CYRIA: variants seen among roughly 807,000 people sequenced by gnomAD.
CYRIA encodes the protein CYFIP related Rac1 interactor A, also known as CYFIP-related Rac1 interactor A.
CYRIA carries 15 observed loss-of-function variants against 43.9 expected under a neutral mutation model. The ratio of observed to expected loss-of-function variants is 0.34; its 90% CI spans 0.23 to 0.53. CYRIA has a LOEUF of 0.53. Among genes scored for constraint, CYRIA ranks in the 20% least tolerant of loss-of-function variants. The pLI, the probability that CYRIA is intolerant of heterozygous loss-of-function variation, is 0.94. For missense variants in CYRIA, 236 were observed against 394.2 expected, an observed-to-expected ratio of 0.60 and a Z score of 3.40; for synonymous variants, 117 against 136.0, an observed-to-expected ratio of 0.86 and a Z score of 0.97.
At chr2:16,627,977 C>T (rs541014243) in intron 1 of CYRIA, among the ~76,000 whole-genome samples, 1 of 152,324 alleles carries the variant, frequency 6.6e-6, no homozygotes, top group South Asian at 2.1e-4. Flanking sequence ...GCTGGGCGGG[C>T]AGGCAGGCGG....
At chr2:16,617,006 G>A (rs1262441825) in intron 2 of CYRIA, among the ~76,000 whole-genome samples, 1 of 152,218 alleles carries the variant, frequency 6.6e-6, no homozygotes, top group East Asian at 1.9e-4. Flanking sequence ...CCACTCACAT[G>A]TACAGTATTT....
At chr2:16,618,807 T>G (rs1668896239) in intron 2 of CYRIA, among the ~76,000 whole-genome samples, 1 of 152,172 alleles carries the variant, frequency 6.6e-6, no homozygotes, top group African/African-American at 2.4e-5. Flanking sequence ...AGATGTAGCT[T>G]TCCGAGGGCT....
At position 16,627,343 on chromosome 2, in the gene CYRIA, G is replaced by C. The variant is rs560250367; in HGVS notation, c.-166-3324C>G. 7.9e-5 allele frequency among the ~76,000 whole-genome samples: 12 copies of C among 152,346 alleles called. No individual in the cohort carries two copies. In the East Asian group the frequency reaches 2.1e-3, roughly 27 times the overall value. Reference sequence around the variant, plus strand: ...CACAGTTCACCAGCAGCAGAGCTTAGACTGAGTCCCTCAATGCCAGAAGCA... The same window carrying C: ...CACAGTTCACCAGCAGCAGAGCTTACACTGAGTCCCTCAATGCCAGAAGCA... On this transcript the variant is annotated intron_variant, in intron 1 of 11. Transcript: ENST00000381323.
intron 3 of CYRIA, among the ~76,000 whole-genome samples, chr2:16,573,588 G>T (rs1292718321): frequency 6.6e-6 from 1 of 152,220 alleles, no homozygotes. Context: ...GATTTCCCAC[G>T]TGTTGTGGGA....
intron 10 of CYRIA, among the ~76,000 whole-genome samples, chr2:16,556,880 A>G (rs955039778): frequency 6.6e-6 from 1 of 152,058 alleles, no homozygotes; most frequent in Non-Finnish European, 1.5e-5. Context: ...CTCAGGGACA[A>G]TTTTAGCCTC....
At chr2:16,580,293 T>C (rs1667506779) in intron 3 of CYRIA, among the ~76,000 whole-genome samples, 1 of 152,164 alleles carries the variant, frequency 6.6e-6, no homozygotes, top group Non-Finnish European at 1.5e-5. Context: ...CAGCTATATG[T>C]TGTTTACAAG....
At chr2:16,631,099 T>C (rs1014647241) in intron 1 of CYRIA, among the ~76,000 whole-genome samples, 2 of 152,180 alleles carry the variant, frequency 1.3e-5, no homozygotes, top group Admixed American at 1.3e-4. Context: ...GATCCTCAGA[T>C]ACAACACCTG....
chr2:16,618,945 G>A (rs1346614095), intron 2 of CYRIA, among the ~76,000 whole-genome samples: 3 of 152,204 alleles, frequency 2.0e-5, no homozygotes, highest in Non-Finnish European at 4.4e-5. Context: ...AGCCCCATAG[G>A]CTTGTGGAGA....
At chr2:16,610,603 T>C (rs1350260479) in intron 2 of CYRIA, among the ~76,000 whole-genome samples, 2 of 152,140 alleles carry the variant, frequency 1.3e-5, no homozygotes, top group Non-Finnish European at 2.9e-5. Flanking sequence ...GGCCCAGTCC[T>C]GTTCAGGTAC....
chr2:16,631,474 T>C (rs566781173), intron 1 of CYRIA, among the ~76,000 whole-genome samples: 1 of 152,358 alleles, frequency 6.6e-6, no homozygotes, highest in African/African-American at 2.4e-5. Flanking sequence ...ATTTCATCTG[T>C]AGCTGGATGG....
chr2:16,573,111 T>C (rs1462785397), intron 3 of CYRIA, among the ~76,000 whole-genome samples: 1 of 152,240 alleles, frequency 6.6e-6, no homozygotes, highest in Non-Finnish European at 1.5e-5. Flanking sequence ...ATGTTCTGCA[T>C]ATAGTTTCTT....
intron 1 of CYRIA, among the ~76,000 whole-genome samples, chr2:16,637,418 GT>G (rs1572195208): frequency 6.6e-6 from 1 of 152,132 alleles, no homozygotes; most frequent in African/African-American, 2.4e-5. Flanking sequence ...CAGAGATGAT[GT>G]TTTTCTCTCT....
chr2:16,616,262 G>T (rs1162658161), intron 2 of CYRIA, among the ~76,000 whole-genome samples: 3 of 152,124 alleles, frequency 2.0e-5, no homozygotes, highest in African/African-American at 7.2e-5. Context: ...GGGCCTGCAG[G>T]CATTTGCACT....
intron 11 of CYRIA, 29 bp downstream of exon 11, chr2:16,555,040 C>T (rs1372675960): frequency 2.5e-6 from 4 of 1,601,448 alleles, no homozygotes; most frequent in Non-Finnish European, 3.4e-6. Context: ...TGGCTGTTCC[C>T]TGTGAGCTGA....
chr2:16,591,149 T>C (rs1256590003), intron 2 of CYRIA, among the ~76,000 whole-genome samples: 3 of 103,600 alleles, frequency 2.9e-5, no homozygotes, highest in Non-Finnish European at 5.8e-5. Flanking sequence ...TAGAGCTTAT[T>C]TTTTTATTAT....
In CYRIA at chr2:16,572,001, A is replaced by G. The variant is rs1436284919; in HGVS notation, c.71-6234T>C. Among the ~76,000 whole-genome samples the G allele has an allele frequency of 2.0e-5, 3 of 152,340 alleles. No individual in the cohort carries two copies. In the East Asian group the frequency reaches 5.8e-4, roughly 29 times the overall value. Reference sequence around the variant, plus strand: ...TCTTAGAGGACATTAGTCATCTTACACCAGGGCCCGAAGCCCTTTTCTATA... The same window carrying G: ...TCTTAGAGGACATTAGTCATCTTACGCCAGGGCCCGAAGCCCTTTTCTATA... On this transcript the variant is annotated intron_variant, in intron 3 of 11. Transcript: ENST00000381323.
chr2:16,657,900 GA>G (rs1670159783), intron 1 of CYRIA, among the ~76,000 whole-genome samples: 2 of 152,136 alleles, frequency 1.3e-5, no homozygotes, highest in South Asian at 2.1e-4. Context: ...TCAAATGCAT[GA>G]TGAAATAAAC....
intron 2 of CYRIA, among the ~76,000 whole-genome samples, chr2:16,588,352 A>G (rs1328404343): frequency 1.3e-5 from 2 of 152,188 alleles, no homozygotes; most frequent in South Asian, 2.1e-4. Context: ...CCTAAGCCAT[A>G]AAAATTATGA....
chr2:16,662,649 T>G (rs1670287747), intron 1 of CYRIA, among the ~76,000 whole-genome samples: 1 of 152,244 alleles, frequency 6.6e-6, no homozygotes, highest in Non-Finnish European at 1.5e-5. Context: ...AAGGCAGTCC[T>G]GGCTCCCTGC....
Sources: gnomAD v4.1 joint callset for allele counts (sites outside exome capture counted in the v4.1 genomes callset) on GRCh38, gnomAD v4.1.1 for gene constraint, MANE v1.5 for transcripts, NCBI Gene and HGNC (gene_info 2026-07-23, HGNC 2026-07-21) for gene names.